The following HMGN5 variants were observed in gnomAD, a reference collection of about 807,000 sequenced individuals.
The protein encoded by HMGN5 is high mobility group nucleosome-binding domain-containing protein 5.
HMGN5 carries 4 observed loss-of-function variants against 9.5 expected under a neutral mutation model. The observed-to-expected ratio is 0.42, with a 90% confidence interval of 0.21 to 0.96. The LOEUF (loss-of-function observed/expected upper bound fraction) is 0.96, where lower values mean the gene tolerates loss of function less well. HMGN5 is among the 40% of genes least tolerant of loss of function. The pLI, the probability that HMGN5 is intolerant of heterozygous loss-of-function variation, is 0.30. For synonymous variants in HMGN5, 55 were observed against 57.1 expected (o/e 0.96, Z 0.16); for missense variants, 192 against 187.5 (o/e 1.02, Z -0.14).
chrX:81,165,768 G>A (rs746526535), intron 1 of HMGN5, among the ~76,000 whole-genome samples: 2 of 111,605 alleles, frequency 1.8e-5, no homozygotes, highest in East Asian at 2.8e-4. Flanking sequence ...AGGGTCAAAC[G>A]TCAGGATCAG....
intron 1 of HMGN5, among the ~76,000 whole-genome samples, chrX:81,147,247 A>G (rs2075347566): frequency 8.9e-6 from 1 of 111,782 alleles, no homozygotes; most frequent in Admixed American, 9.5e-5. Flanking sequence ...AAAATCCTCA[A>G]TAAAATACTG....
chrX:81,132,026 C>A (rs2075298729), intron 1 of HMGN5, among the ~76,000 whole-genome samples: 1 of 111,568 alleles, frequency 9.0e-6, no homozygotes, highest in Admixed American at 9.5e-5. Context: ...TCTCAGGATG[C>A]AAAATCAATG....
chrX:81,194,736 C>T (rs1211534374), intron 1 of HMGN5, among the ~76,000 whole-genome samples: 1 of 111,514 alleles, frequency 9.0e-6, no homozygotes, highest in Non-Finnish European at 1.9e-5. Context: ...GAGATCACAG[C>T]TTATGAAGAA....
At chrX:81,143,705 G>C (rs772328252) in intron 1 of HMGN5, among the ~76,000 whole-genome samples, 5 of 112,501 alleles carry the variant, frequency 4.4e-5, no homozygotes, top group African/African-American at 9.7e-5. Flanking sequence ...CTGGTGCCTG[G>C]CTTGGTGGGT....
intron 1 of HMGN5, among the ~76,000 whole-genome samples, chrX:81,194,204 C>T (rs1251938395): frequency 9.0e-6 from 1 of 111,296 alleles, no homozygotes; most frequent in African/African-American, 3.3e-5. Context: ...GTAAAAAGCA[C>T]CACAATAAAG....
At chrX:81,181,168 C>G (rs1473426040) in intron 1 of HMGN5, among the ~76,000 whole-genome samples, 2 of 111,069 alleles carry the variant, frequency 1.8e-5, no homozygotes, top group African/African-American at 6.6e-5. Context: ...GCACATTGTG[C>G]ACATGTACCC....
intron 1 of HMGN5, among the ~76,000 whole-genome samples, chrX:81,194,732 A>G (rs1269832472): frequency 8.9e-6 from 1 of 111,983 alleles, no homozygotes; most frequent in Non-Finnish European, 1.9e-5. Flanking sequence ...TCTAGAGATC[A>G]CAGCTTATGA....
intron 1 of HMGN5, among the ~76,000 whole-genome samples, chrX:81,190,322 T>C (rs1209341233): frequency 1.8e-5 from 2 of 111,645 alleles, no homozygotes; most frequent in Admixed American, 9.6e-5. Flanking sequence ...GTATAATTCA[T>C]ATATTATACA....
At chrX:81,151,031 T>A (rs2075360530) in intron 1 of HMGN5, among the ~76,000 whole-genome samples, 1 of 111,694 alleles carries the variant, frequency 9.0e-6, no homozygotes, top group African/African-American at 3.3e-5. Flanking sequence ...TATGAAAAAT[T>A]TAACTAAATA....
chrX:81,121,599 GCAGTCACTGCCTGACTGCTCCAAGA>G lies in HMGN5; in HGVS notation c.-75_-51del. 1 of 1,031,198 alleles carries G rather than the reference GCAGTCACTGCCTGACTGCTCCAAGA, an allele frequency of 9.7e-7. No homozygotes were observed. Among genetic ancestry groups the G allele is most frequent in the Middle Eastern group, 2.6e-4 (1 of 3,828 alleles). The allele number at this position is 1,031,198 out of a possible 1,213,427, so 85.0% of individuals were successfully genotyped here. A position where few individuals can be genotyped will look rare whatever the true frequency, so the allele number is the denominator to read the frequency against. ...TTAGTCAGCAGAAAAAAAGCCGAAGGCAGTCACTGCCTGACTGCTCCAAGAGCAAATGAGTTTTCAATGAACTAAC... is the reference window on the plus strand; with the variant it reads ...TTAGTCAGCAGAAAAAAAGCCGAAGGGCAAATGAGTTTTCAATGAACTAAC... On this transcript the variant is annotated 5_prime_UTR_variant, in exon 2 of 7. Coordinates refer to ENST00000358130, the MANE Select transcript of HMGN5 (RefSeq NM_030763.3).
rs770668646 is a variant in HMGN5 at position 81,115,111 on chromosome X, ATCTTCT to A, written c.381_386del (p.Glu127_Glu128del). On this transcript the variant is annotated inframe_deletion, in exon 7 of 7. Transcript: ENST00000358130. ...TTTGATCTTCTTCATCTTCTTTCTGATCTTCTTCTTCATTTTTTACTTCTGCTGCCA... is the reference window on the plus strand; with the variant it reads ...TTTGATCTTCTTCATCTTCTTTCTGATCTTCATTTTTTACTTCTGCTGCCA... 5 of 1,136,631 alleles carry A rather than the reference ATCTTCT, an allele frequency of 4.4e-6. No individual in the cohort carries two copies. The highest frequency in any genetic ancestry group is 5.8e-6 in the Non-Finnish European group (5 of 860,077). The allele number at this position is 1,136,631 out of a possible 1,213,427, so 93.7% of individuals were successfully genotyped here. A position where few individuals can be genotyped will look rare whatever the true frequency, so the allele number is the denominator to read the frequency against.
intron 1 of HMGN5, among the ~76,000 whole-genome samples, chrX:81,182,508 A>G (rs915050760): frequency 1.5e-4 from 17 of 111,344 alleles, no homozygotes; most frequent in Non-Finnish European, 3.2e-4. Flanking sequence ...TGTTGTTGTG[A>G]TAATGAATTC....
At chrX:81,164,645 T>G (rs1393464498) in intron 1 of HMGN5, among the ~76,000 whole-genome samples, 1 of 111,591 alleles carries the variant, frequency 9.0e-6, no homozygotes, top group Non-Finnish European at 1.9e-5. Flanking sequence ...ACTGGCAAAT[T>G]TGTATAAAAA....
chrX:81,150,434 G>A (rs1045677992), intron 1 of HMGN5, among the ~76,000 whole-genome samples: 15 of 110,439 alleles, frequency 1.4e-4, no homozygotes, highest in Admixed American at 3.9e-4. Context: ...GCATGGTGGC[G>A]GACACCTGTA....
intron 1 of HMGN5, among the ~76,000 whole-genome samples, chrX:81,197,357 A>T (rs1027255564): frequency 4.5e-5 from 5 of 112,079 alleles, no homozygotes; most frequent in African/African-American, 1.6e-4. Context: ...TTTTTCAGAC[A>T]GTTCATTAAA....
chrX:81,156,924 A>T (rs973392101), intron 1 of HMGN5, among the ~76,000 whole-genome samples: 3 of 111,188 alleles, frequency 2.7e-5, no homozygotes, highest in East Asian at 5.6e-4. Flanking sequence ...GTAGTTCAGG[A>T]TGCTTCTGAT....
At chrX:81,196,177 A>G (rs756096376) in intron 1 of HMGN5, among the ~76,000 whole-genome samples, 1 of 110,857 alleles carries the variant, frequency 9.0e-6, no homozygotes, top group South Asian at 3.9e-4. Flanking sequence ...TGTGATTTAC[A>G]TATTTATGTG....
At chrX:81,149,909 C>A (rs2147561166) in intron 1 of HMGN5, among the ~76,000 whole-genome samples, 1 of 111,843 alleles carries the variant, frequency 8.9e-6, no homozygotes, top group East Asian at 2.8e-4. Flanking sequence ...ATTTATAAAG[C>A]AAATATTACT....
At chrX:81,166,361 A>G (rs1251141564) in intron 1 of HMGN5, among the ~76,000 whole-genome samples, 1 of 111,751 alleles carries the variant, frequency 8.9e-6, no homozygotes, top group African/African-American at 3.2e-5. Flanking sequence ...TATCATAGTT[A>G]CTACATATGT....
Sources: allele counts gnomAD v4.1 joint callset (sites outside exome capture counted in the v4.1 genomes callset), GRCh38; gene constraint gnomAD v4.1.1; transcripts MANE v1.5; gene names NCBI Gene and HGNC (gene_info 2026-07-23, HGNC 2026-07-21).